Variants in RFX6 observed in about 807,000 individuals in gnomAD.
RFX6 encodes the protein DNA-binding protein RFX6.
In RFX6, 50 loss-of-function variants were observed where a neutral mutation model predicts 110.8. That is an observed-to-expected ratio of 0.45 (90% confidence interval 0.36 to 0.57). RFX6 has a LOEUF of 0.57. Among genes scored for constraint, RFX6 ranks in the 20% least tolerant of loss-of-function variants. The pLI is 0.00. For synonymous variants in RFX6, 383 were observed against 411.2 expected (o/e 0.93, Z 0.83); for missense variants, 990 against 1,127.0 (o/e 0.88, Z 1.74).
chr6:116,931,035 C>T (rs1314367021), intron 18 of RFX6, among the ~76,000 whole-genome samples: 4 of 152,110 alleles, frequency 2.6e-5, no homozygotes, highest in East Asian at 3.9e-4. Flanking sequence ...GAACTACAAC[C>T]GTGAAAGTGC....
chr6:116,909,486 A>T (rs1775283968), intron 6 of RFX6, among the ~76,000 whole-genome samples: 1 of 151,836 alleles, frequency 6.6e-6, no homozygotes, highest in African/African-American at 2.4e-5. Flanking sequence ...GTGCAATGAT[A>T]ATTGGTGCTC....
intron 4 of RFX6, among the ~76,000 whole-genome samples, chr6:116,889,798 G>A (rs1043179687): frequency 2.6e-5 from 4 of 151,996 alleles, no homozygotes; most frequent in Admixed American, 2.6e-4. Context: ...TTAAGTATAT[G>A]ATATTATATG....
At position 116,928,522 on chromosome 6, in the gene RFX6, A is replaced by T. The variant is rs556980411; in HGVS notation, c.2399-237A>T. ...TTAAATTATGTATTATGCTATAATT[A>T]TTGTATTAAATTATGTATGATGCTA... On this transcript the variant is annotated intron_variant, in intron 17 of 18. Coordinates refer to ENST00000332958, the MANE Select transcript of RFX6 (RefSeq NM_173560.4). 1.2e-3 allele frequency among the ~76,000 whole-genome samples: 183 copies of T among 152,328 alleles called. 1 individual carries two copies. The highest frequency in any genetic ancestry group is 4.3e-3 in the African/African-American group (177 of 41,570).
chr6:116,879,982 C>T (rs1014132747), intron 2 of RFX6, among the ~76,000 whole-genome samples: 1 of 151,894 alleles, frequency 6.6e-6, no homozygotes, highest in African/African-American at 2.4e-5. Flanking sequence ...GTACTGATGA[C>T]AGTAGTAAAA....
chr6:116,905,510 G>C (rs189755697), intron 6 of RFX6, among the ~76,000 whole-genome samples: 2 of 151,300 alleles, frequency 1.3e-5, no homozygotes, highest in Admixed American at 6.6e-5. Context: ...TGTGATCATA[G>C]TGTCATGTAC....
intron 1 of RFX6, 110 bp from the exon 2 acceptor site, chr6:116,877,686 C>A: frequency 1.7e-6 from 2 of 1,172,208 alleles, no homozygotes; most frequent in Non-Finnish European, 1.2e-6. Context: ...CTTTCCTCCC[C>A]TCCGCCCCCA....
chr6:116,894,544 T>C (rs1197021493), intron 5 of RFX6, among the ~76,000 whole-genome samples: 1 of 152,118 alleles, frequency 6.6e-6, no homozygotes, highest in African/African-American at 2.4e-5. Context: ...TACTGACCTG[T>C]TTGGGTTTCT....
At chr6:116,892,303 G>T (rs185171991) in intron 4 of RFX6, among the ~76,000 whole-genome samples, 1 of 152,280 alleles carries the variant, frequency 6.6e-6, no homozygotes, top group Non-Finnish European at 1.5e-5. Context: ...GGCTCATTCT[G>T]GCTGTCATCC....
chr6:116,922,444 G>C (rs1428120014), intron 13 of RFX6, among the ~76,000 whole-genome samples: 1 of 152,116 alleles, frequency 6.6e-6, no homozygotes, highest in Non-Finnish European at 1.5e-5. Context: ...CATCAGTAGA[G>C]AAAGATAAAC....
intron 4 of RFX6, among the ~76,000 whole-genome samples, chr6:116,892,379 A>G (rs983513737): frequency 3.3e-5 from 5 of 152,162 alleles, no homozygotes; most frequent in Non-Finnish European, 7.4e-5. Flanking sequence ...CAAAAACCAC[A>G]TCCCACTTCT....
intron 4 of RFX6, among the ~76,000 whole-genome samples, chr6:116,883,214 A>T (rs1774629393): frequency 6.6e-6 from 1 of 152,098 alleles, no homozygotes; most frequent in Non-Finnish European, 1.5e-5. Flanking sequence ...CCTGGGCAAA[A>T]ATCCAATGGC....
chr6:116,909,810 G>A (rs1482932977), intron 6 of RFX6, among the ~76,000 whole-genome samples: 16 of 123,424 alleles, frequency 1.3e-4, no homozygotes, highest in African/African-American at 4.5e-4. Flanking sequence ...GCAGTGGCAC[G>A]ATCTTGGCTC....
At position 116,922,068 on chromosome 6, in the gene RFX6, C is replaced by A; in HGVS notation, c.1354C>A (p.Leu452Met). Reference sequence around the variant, plus strand: ...TGACTCTATCACTGTGTTCCAAGAACTGAAGGATCTCCTTAAGAAGAATGC... The same window carrying A: ...TGACTCTATCACTGTGTTCCAAGAAATGAAGGATCTCCTTAAGAAGAATGC... ...EHDSITVFQE[L>M]KDLLKKNATV... The change falls in exon 13 of 19, where the codon CTG (leucine) becomes ATG (methionine). Residue 452 changes from leucine (L) to methionine (M), a missense_variant. This residue lies in a region of RFX6 where 45 missense variants were observed against 29.3 expected (regional missense o/e 1.53). Transcript: ENST00000332958. 2 of 1,512,182 alleles carry A rather than the reference C, an allele frequency of 1.3e-6. No homozygotes were observed. Among genetic ancestry groups the A allele is most frequent in the African/African-American group, 1.4e-5 (1 of 71,446 alleles). The allele number at this position is 1,512,182 out of a possible 1,614,324, so 93.7% of individuals were successfully genotyped here. A position where few individuals can be genotyped will look rare whatever the true frequency, so the allele number is the denominator to read the frequency against.
At position 116,927,172 on chromosome 6, in the gene RFX6, C is replaced by G; in HGVS notation, c.2031C>G (p.His677Gln). ...SVGPVLSAPS[H>Q]CSTYPEPIYP... ...GCCCAGTACTGTCAGCTCCATCACA[C>G]TGCTCCACATACCCAGAGCCCATTT... Residue 677 changes from histidine to glutamine, a missense_variant, in exon 17 of 19, where the codon CAC (histidine) becomes CAG (glutamine). Physicochemically the swap from His to Gln is conservative, Grantham distance 24 (BLOSUM62 0). This residue lies in a region of RFX6 where 438 missense variants were observed against 441.9 expected (regional missense o/e 0.99). Coordinates refer to ENST00000332958, the MANE Select transcript of RFX6 (RefSeq NM_173560.4). 3 of 1,614,202 alleles carry G rather than the reference C, an allele frequency of 1.9e-6. No individual in the cohort carries two copies. Among genetic ancestry groups the G allele is most frequent in the Non-Finnish European group, 2.5e-6 (3 of 1,180,024 alleles).
chr6:116,880,648 G>A lies in RFX6; in HGVS notation c.485G>A (p.Cys162Tyr). Residue 162 changes from cysteine to tyrosine, a missense_variant, in exon 3 of 19, where the codon TGT becomes TAT. By Grantham distance (194) the Cys-to-Tyr change is radical. Coordinates refer to ENST00000332958, the MANE Select transcript of RFX6 (RefSeq NM_173560.4). ...FCRKEKLEPA[C>Y]AATFGKTIRQ... ...AGGAAAGAGAAATTAGAGCCAGCCTGTGCGGCCACCTTTGGAAAGGTAAAT... is the reference window on the plus strand; with the variant it reads ...AGGAAAGAGAAATTAGAGCCAGCCTATGCGGCCACCTTTGGAAAGGTAAAT... The A allele has an allele frequency of 6.2e-7, 1 of 1,613,492 alleles. No individual in the cohort carries two copies. The highest frequency in any genetic ancestry group is 1.1e-5 in the South Asian group (1 of 91,058).
intron 6 of RFX6, among the ~76,000 whole-genome samples, chr6:116,900,710 T>A (rs921855274): frequency 6.6e-6 from 1 of 152,146 alleles, no homozygotes; most frequent in Non-Finnish European, 1.5e-5. Context: ...AAAATTTTTA[T>A]TGATTACAGT....
rs1775568649 is a variant in RFX6, at chr6:116,920,429, C to T, written c.1302C>T (p.Asp434=). 6.2e-7 allele frequency: 1 copy of T among 1,613,170 alleles called. No individual in the cohort carries two copies. Among genetic ancestry groups the T allele is most frequent in the South Asian group, 1.1e-5 (1 of 91,066 alleles). The part of the protein sequence containing the change: ...QALLTISGST[D]TESGIYTEHD... ...TTCTTACCATTTCAGGCAGCACAGA[C>T]ACTGAATCTGGTATCTACACTGAAC... Residue 434 remains aspartate (D), a synonymous_variant, in exon 12 of 19, where the codon GAC becomes GAT. Transcript: ENST00000332958.
intron 6 of RFX6, 140 bp downstream of exon 6, chr6:116,895,347 C>A (rs1774920906): frequency 1.8e-6 from 1 of 563,416 alleles, no homozygotes. Context: ...ACTTCAGATA[C>A]AGCTCAATTA....
chr6:116,915,692 AAATT>A (rs1775447051), intron 7 of RFX6, among the ~76,000 whole-genome samples: 2 of 152,056 alleles, frequency 1.3e-5, no homozygotes, highest in Non-Finnish European at 2.9e-5. Context: ...TAAAAAATTT[AAATT>A]TAAATTAAAA....
Sources: gnomAD v4.1 joint callset for allele counts (sites outside exome capture counted in the v4.1 genomes callset) on GRCh38, gnomAD v4.1.1 for gene constraint, gnomAD v4.1.1 regional missense constraint, MANE v1.5 for transcripts, NCBI Gene and HGNC (gene_info 2026-07-23, HGNC 2026-07-21) for gene names.